MACROD2: variants seen among roughly 807,000 people sequenced by gnomAD.
MACROD2 encodes the protein mono-ADP ribosylhydrolase 2.
MACROD2 carries 36 observed loss-of-function variants against 70.4 expected under a neutral mutation model. That is an observed-to-expected ratio of 0.51 (90% CI 0.39 to 0.68). The LOEUF (loss-of-function observed/expected upper bound fraction) is 0.68. Among genes scored for constraint, MACROD2 ranks in the 30% least tolerant of loss-of-function variants. The pLI, the probability that MACROD2 is intolerant of heterozygous loss-of-function variation, is 0.00. For missense variants in MACROD2, 496 were observed against 538.4 expected, an observed-to-expected ratio of 0.92 and a Z score of 0.78; for synonymous variants, 172 against 178.8, an observed-to-expected ratio of 0.96 and a Z score of 0.30.
intron 5 of MACROD2, among the ~76,000 whole-genome samples, chr20:14,774,222 A>T (rs2072206304): frequency 2.0e-5 from 3 of 152,046 alleles, no homozygotes; most frequent in Admixed American, 1.3e-4. Context: ...TTTTAGGAAC[A>T]TAAACTTAGA....
rs2052743445 is a variant in MACROD2, at chr20:14,002,347, C to T, written c.106C>T (p.Pro36Ser). The change falls in exon 2 of 18, where the codon CCC becomes TCC. Residue 36 changes from proline (P) to serine (S), a missense_variant. Pro to Ser is a moderately conservative substitution (Grantham distance 74). Coordinates refer to ENST00000684519, the MANE Select transcript of MACROD2 (RefSeq NM_001351661.2). ...CAAAGAATACCTAAGAGACTATATT[C>T]CCCTGAACAGCATTCTATCATGGAA... ...RRKEYLRDYI[P>S]LNSILSWKEE... is the part of the protein sequence containing the mutation. 1 of 1,610,514 alleles carries T rather than the reference C, an allele frequency of 6.2e-7. No individual in the cohort carries two copies. The highest frequency in any genetic ancestry group is 8.5e-7 in the Non-Finnish European group (1 of 1,178,548).
At chr20:15,780,915 G>A (rs1439847108) in intron 8 of MACROD2, among the ~76,000 whole-genome samples, 5 of 151,942 alleles carry the variant, frequency 3.3e-5, no homozygotes, top group South Asian at 4.2e-4. Context: ...CTGAGATGAC[G>A]AGGGCATCAT....
chr20:15,985,860 T>C (rs6080073), intron 13 of MACROD2: 76,545 of 152,090 alleles, frequency 0.5, 20,223 homozygotes, highest in Non-Finnish European at 0.57. Flanking sequence ...GCTACTGCCT[T>C]AAAATCCGAG....
intron 15 of MACROD2, among the ~76,000 whole-genome samples, chr20:16,025,058 A>G (rs981890066): frequency 6.6e-6 from 1 of 152,248 alleles, no homozygotes; most frequent in African/African-American, 2.4e-5. Flanking sequence ...GTTATGTGAC[A>G]GACTCTCTAG....
intron 3 of MACROD2, among the ~76,000 whole-genome samples, chr20:14,145,719 A>G (rs1015501750): frequency 2.6e-5 from 4 of 152,214 alleles, no homozygotes; most frequent in African/African-American, 9.6e-5. Flanking sequence ...ACTACACACA[A>G]TATTGCTATT....
rs374274640 is a variant in MACROD2, at chr20:15,844,220, T to G, written c.646-18525T>G. 1.6e-4 allele frequency among the ~76,000 whole-genome samples: 25 copies of G among 152,098 alleles called. No homozygotes were observed. The East Asian group carries it at 4.4e-3, about 27-fold the overall frequency. On this transcript the variant is annotated intron_variant, in intron 8 of 17. Coordinates refer to ENST00000684519, the MANE Select transcript of MACROD2 (RefSeq NM_001351661.2). ...CTGCATTTGGTGACATTATACAAATTCCCTAGGAGGAGCAGGTCTGCCAAG... is the reference window on the plus strand; with the variant it reads ...CTGCATTTGGTGACATTATACAAATGCCCTAGGAGGAGCAGGTCTGCCAAG...
At chr20:16,012,776 C>T (rs559776173) in intron 15 of MACROD2, among the ~76,000 whole-genome samples, 20 of 152,088 alleles carry the variant, frequency 1.3e-4, no homozygotes, top group Non-Finnish European at 2.6e-4. Context: ...TGGGAGAGCA[C>T]GTGTGACAGA....
At chr20:15,160,180 G>A (rs535788020) in intron 5 of MACROD2, among the ~76,000 whole-genome samples, 6 of 151,970 alleles carry the variant, frequency 3.9e-5, no homozygotes, top group South Asian at 4.2e-4. Context: ...AAGATGGGAC[G>A]GTGACGATAA....
At chr20:15,206,827 C>T (rs1016645661) in intron 5 of MACROD2, among the ~76,000 whole-genome samples, 1 of 148,740 alleles carries the variant, frequency 6.7e-6, no homozygotes, top group Non-Finnish European at 1.5e-5. Context: ...AGCTCCACCT[C>T]CCGGGTTCAC....
Position 15,020,811 on chromosome 20 carries a change from T to A in MACROD2, c.419-209129T>A, listed in dbSNP as rs1170618881. On this transcript the variant is annotated intron_variant, in intron 5 of 17. Coordinates refer to ENST00000684519, the MANE Select transcript of MACROD2 (RefSeq NM_001351661.2). Reference sequence around the variant, plus strand: ...ATCCAGCAAAAATACAGTATTATAATCTTATAAGACACCATTGTCATATAT... The same window carrying A: ...ATCCAGCAAAAATACAGTATTATAAACTTATAAGACACCATTGTCATATAT... Among the ~76,000 whole-genome samples, 7 of 151,902 alleles carry A rather than the reference T, an allele frequency of 4.6e-5. No homozygotes were observed. The East Asian group carries it at 1.4e-3, about 30-fold the overall frequency.
At chr20:15,099,791 C>T (rs928906551) in intron 5 of MACROD2, among the ~76,000 whole-genome samples, 1 of 151,870 alleles carries the variant, frequency 6.6e-6, no homozygotes, top group Non-Finnish European at 1.5e-5. Flanking sequence ...AGGAGAGGTA[C>T]AGAGAAAACT....
At chr20:15,183,755 A>G (rs1445909781) in intron 5 of MACROD2, among the ~76,000 whole-genome samples, 1 of 152,210 alleles carries the variant, frequency 6.6e-6, no homozygotes, top group Non-Finnish European at 1.5e-5. Flanking sequence ...TGGTGTTCCC[A>G]ATCACATCCT....
chr20:15,629,658 A>G (rs572515465), intron 8 of MACROD2, among the ~76,000 whole-genome samples: 1 of 152,318 alleles, frequency 6.6e-6, no homozygotes, highest in Non-Finnish European at 1.5e-5. Context: ...AGTGCATTAC[A>G]TGTGGGAAAT....
chr20:15,176,295 G>T (rs1212228685), intron 5 of MACROD2, among the ~76,000 whole-genome samples: 1 of 152,178 alleles, frequency 6.6e-6, no homozygotes, highest in African/African-American at 2.4e-5. Context: ...TGGACAAAAA[G>T]GGGCAGGTCC....
In MACROD2 at chr20:14,968,074, T is replaced by G. The variant is rs1301367257; in HGVS notation, c.419-261866T>G. On this transcript the variant is annotated intron_variant, in intron 5 of 17. Coordinates refer to ENST00000684519, the MANE Select transcript of MACROD2 (RefSeq NM_001351661.2). The stretch of plus-strand genomic sequence containing the variant: ...AATTCTGGGCTGGACAGGTAAGGTG[T>G]TTGCCATACATGATTGCAATTGTGA... 2.0e-5 allele frequency among the ~76,000 whole-genome samples: 3 copies of G among 152,196 alleles called. No individual in the cohort carries two copies. In the South Asian group the frequency reaches 6.2e-4, roughly 31 times the overall value.
At chr20:14,282,660 C>T (rs1227092522) in intron 3 of MACROD2, among the ~76,000 whole-genome samples, 4 of 152,110 alleles carry the variant, frequency 2.6e-5, no homozygotes, top group East Asian at 3.8e-4. Flanking sequence ...TTGTGGGAAG[C>T]GTGGTGCTGG....
At chr20:14,695,970 G>T (rs16994812) in intron 5 of MACROD2, among the ~76,000 whole-genome samples, 1 of 152,168 alleles carries the variant, frequency 6.6e-6, no homozygotes, top group Non-Finnish European at 1.5e-5. Context: ...GCAGGGGAAA[G>T]GGCTCACTAT....
chr20:14,415,322 C>T (rs1045847072), intron 3 of MACROD2, among the ~76,000 whole-genome samples: 1 of 149,626 alleles, frequency 6.7e-6, no homozygotes, highest in Non-Finnish European at 1.5e-5. Context: ...TTTTATCAAT[C>T]TAACATCTTT....
chr20:15,616,185 C>T (rs928364739), intron 8 of MACROD2, among the ~76,000 whole-genome samples: 5 of 149,556 alleles, frequency 3.3e-5, no homozygotes, highest in African/African-American at 1.2e-4. Context: ...CCCACTGCGC[C>T]CTCTGTCTCC....
Sources: allele counts gnomAD v4.1 joint callset (sites outside exome capture counted in the v4.1 genomes callset), GRCh38; gene constraint gnomAD v4.1.1; transcripts MANE v1.5; gene names NCBI Gene and HGNC (gene_info 2026-07-23, HGNC 2026-07-21).